CRACD: variants seen among roughly 807,000 people sequenced by gnomAD.
CRACD encodes capping protein inhibiting regulator of actin dynamics, also known as capping protein-inhibiting regulator of actin dynamics.
CRACD carries 56 observed loss-of-function variants against 106.8 expected under a neutral mutation model. The observed-to-expected ratio is 0.52, with a 90% CI of 0.42 to 0.66. CRACD has a LOEUF of 0.66. CRACD is among the 30% of genes least tolerant of loss of function. The pLI, the probability that CRACD is intolerant of heterozygous loss-of-function variation, is 0.00. For missense variants in CRACD, 1,730 were observed against 1,623.2 expected, an observed-to-expected ratio of 1.07 and a Z score of -1.13; for synonymous variants, 754 against 670.8, an observed-to-expected ratio of 1.12 and a Z score of -1.92.
chr4:56,275,120 A>C (rs1742604072), intron 3 of CRACD, among the ~76,000 whole-genome samples: 1 of 152,162 alleles, frequency 6.6e-6, no homozygotes. Context: ...CAGACACTGG[A>C]ATCTACTTGA....
At chr4:56,107,569 GC>G (rs1179569713) in intron 1 of CRACD, among the ~76,000 whole-genome samples, 3 of 152,018 alleles carry the variant, frequency 2.0e-5, no homozygotes, top group African/African-American at 7.2e-5. Context: ...TCCAGGGCCG[GC>G]CACCACTGGC....
At chr4:56,147,122 GAGTA>G (rs1384194449) in intron 1 of CRACD, among the ~76,000 whole-genome samples, 1 of 152,102 alleles carries the variant, frequency 6.6e-6, no homozygotes, top group Non-Finnish European at 1.5e-5. Flanking sequence ...AACTCCCCTT[GAGTA>G]AGAGGATTCT....
At chr4:56,099,300 C>T (rs1293439318) in intron 1 of CRACD, among the ~76,000 whole-genome samples, 1 of 152,042 alleles carries the variant, frequency 6.6e-6, no homozygotes, top group Non-Finnish European at 1.5e-5. Context: ...ATTTGATGTT[C>T]CCTGTTTCCT....
chr4:56,108,173 A>G (rs890773021), intron 1 of CRACD, among the ~76,000 whole-genome samples: 3 of 152,166 alleles, frequency 2.0e-5, no homozygotes, highest in African/African-American at 7.2e-5. Flanking sequence ...TCTCAATTAC[A>G]AAGGGAGAAA....
At chr4:56,245,989 A>G (rs913772002) in intron 2 of CRACD, among the ~76,000 whole-genome samples, 3 of 152,194 alleles carry the variant, frequency 2.0e-5, no homozygotes. Context: ...TTTATAAAGA[A>G]GGATTGTCTG....
intron 2 of CRACD, among the ~76,000 whole-genome samples, chr4:56,189,466 T>C (rs1737261774): frequency 6.6e-6 from 1 of 151,928 alleles, no homozygotes; most frequent in East Asian, 1.9e-4. Context: ...GTTACATATG[T>C]ATACATGTAC....
At chr4:56,133,869 T>G (rs76088915) in intron 1 of CRACD, among the ~76,000 whole-genome samples, 1,580 of 152,262 alleles carry the variant, frequency 0.01, 25 homozygotes, top group African/African-American at 0.036. Context: ...AGAAAATGAT[T>G]AATCAGGGCC....
intron 1 of CRACD, among the ~76,000 whole-genome samples, chr4:56,157,635 T>C (rs987213986): frequency 4.6e-5 from 7 of 152,218 alleles, no homozygotes; most frequent in African/African-American, 1.7e-4. Context: ...TACACTATGC[T>C]ATTTTTTTTA....
At chr4:56,081,540 A>G (rs940638078) in intron 1 of CRACD, among the ~76,000 whole-genome samples, 1 of 152,228 alleles carries the variant, frequency 6.6e-6, no homozygotes, top group African/African-American at 2.4e-5. Context: ...GCACATTTGT[A>G]AAGGAAAATT....
At position 56,282,897 on chromosome 4, in the gene CRACD, C is replaced by T. The variant is rs141210720; in HGVS notation, c.-17+10405C>T. ...ATCTTTCGCAGATAGTGGCACCAGACGACAGAGCTTAAAATAGAGATAGCT... is the reference window on the plus strand; with the variant it reads ...ATCTTTCGCAGATAGTGGCACCAGATGACAGAGCTTAAAATAGAGATAGCT... On this transcript the variant is annotated intron_variant, in intron 3 of 10. Coordinates refer to ENST00000682029, the MANE Select transcript of CRACD (RefSeq NM_001393381.1). Among the ~76,000 whole-genome samples, 225 of 152,328 alleles carry T rather than the reference C, an allele frequency of 1.5e-3. 2 individuals are homozygous for T. Among genetic ancestry groups the T allele is most frequent in the African/African-American group, 4.5e-3 (188 of 41,582 alleles).
intron 1 of CRACD, among the ~76,000 whole-genome samples, chr4:56,156,943 G>GT (rs1735781708): frequency 2.6e-5 from 4 of 152,126 alleles, no homozygotes. Flanking sequence ...TTTTGTTGCT[G>GT]TTTTTCATGA....
At chr4:56,301,214 T>C in intron 4 of CRACD, 1 of 1,287,214 alleles carries the variant, frequency 7.8e-7, no homozygotes, top group African/African-American at 1.5e-5. Flanking sequence ...AAGACTGTGC[T>C]TTATTTTTCA....
Position 56,202,769 on chromosome 4 carries a change from C to T in CRACD, c.-189+23339C>T, listed in dbSNP as rs191628040. On this transcript the variant is annotated intron_variant, in intron 2 of 10. Coordinates refer to ENST00000682029, the MANE Select transcript of CRACD (RefSeq NM_001393381.1). Reference sequence around the variant, plus strand: ...CCTTCTGAAATAACTTTTATTTTTTCTAATAAAAGTATTTTATGATCACTA... The same window carrying T: ...CCTTCTGAAATAACTTTTATTTTTTTTAATAAAAGTATTTTATGATCACTA... 5.2e-3 allele frequency among the ~76,000 whole-genome samples: 793 copies of T among 151,936 alleles called. 7 individuals carry two copies. Among genetic ancestry groups the T allele is most frequent in the African/African-American group, 0.018 (752 of 41,438 alleles).
At chr4:56,061,973 C>T (rs191250722) in intron 1 of CRACD, among the ~76,000 whole-genome samples, 7 of 152,298 alleles carry the variant, frequency 4.6e-5, no homozygotes, top group African/African-American at 1.7e-4. Context: ...CTTTTTTGCA[C>T]TCCATCTTTC....
chr4:56,315,535 A>C lies in CRACD; in HGVS notation c.2033A>C (p.Asn678Thr). 5 of 1,613,992 alleles carry C rather than the reference A, an allele frequency of 3.1e-6. No homozygotes were observed. The highest frequency in any genetic ancestry group is 4.2e-6 in the Non-Finnish European group (5 of 1,180,000). ...WASIRSRILK[N>T]AESDPRSSER... Reference sequence around the variant, plus strand: ...TCCATTCGGTCCAGAATCCTGAAGAACGCAGAGAGTGACCCGCGCAGCAGC... The same window carrying C: ...TCCATTCGGTCCAGAATCCTGAAGACCGCAGAGAGTGACCCGCGCAGCAGC... Residue 678 changes from asparagine to threonine, a missense_variant, in exon 8 of 11, where the codon AAC (asparagine) becomes ACC (threonine). Physicochemically the swap from Asn to Thr is moderately conservative, Grantham distance 65. Around this residue, in one of 5 missense-constraint regions of CRACD, gnomAD observed 1,620 missense variants for 1,481.6 expected, o/e 1.09. Transcript: ENST00000682029. The surrounding 1 kb of genome is among the most constrained non-coding windows in gnomAD (Gnocchi z 4.1).
At chr4:56,224,478 T>C (rs757323179) in intron 2 of CRACD, among the ~76,000 whole-genome samples, 7 of 152,336 alleles carry the variant, frequency 4.6e-5, no homozygotes, top group Non-Finnish European at 1.0e-4. Flanking sequence ...TCTTGAGTTT[T>C]TCATCATATC....
chr4:56,314,408 C>T lies in CRACD; in HGVS notation c.906C>T (p.Asp302=), dbSNP rs1407799397. 4 of 1,116,594 alleles carry T rather than the reference C, an allele frequency of 3.6e-6. No homozygotes were observed. In the Admixed American group the frequency reaches 1.1e-4, roughly 31 times the overall value. The allele number at this position is 1,116,594 out of a possible 1,614,324, so 69.2% of individuals were successfully genotyped here. A position where few individuals can be genotyped will look rare whatever the true frequency, so the allele number is the denominator to read the frequency against. The change falls in exon 8 of 11, where the codon GAC becomes GAT. Residue 302 remains aspartate, a synonymous_variant. Transcript: ENST00000682029. This position sits in a 1 kb window ranked among gnomAD's most constrained non-coding sequence, Gnocchi z 4.4. ...QRSLEAPGWE[D]AERREREERE... is the part of the protein sequence containing the mutation. ...GCCTGGAAGCGCCAGGTTGGGAGGA[C>T]GCGGAGCGGAGGGAGCGTGAGGAGC... is the stretch of plus-strand genomic sequence containing the variant.
chr4:56,238,248 T>C (rs1740113732), intron 2 of CRACD, among the ~76,000 whole-genome samples: 1 of 152,250 alleles, frequency 6.6e-6, no homozygotes, highest in Admixed American at 6.5e-5. Context: ...TTCACTCACA[T>C]GTGTGTTGCC....
chr4:56,308,056 T>C (rs1348650728), intron 5 of CRACD, among the ~76,000 whole-genome samples: 1 of 152,206 alleles, frequency 6.6e-6, no homozygotes, highest in African/African-American at 2.4e-5. Flanking sequence ...TCCCTATCTA[T>C]GTCCATGTAA....
Sources: gnomAD v4.1 joint callset for allele counts (sites outside exome capture counted in the v4.1 genomes callset) on GRCh38, gnomAD v4.1.1 for gene constraint, gnomAD v4.1.1 regional missense constraint, Gnocchi (gnomAD v3.1) non-coding constraint, MANE v1.5 for transcripts, NCBI Gene and HGNC (gene_info 2026-07-23, HGNC 2026-07-21) for gene names.